DDHD1: variants seen among roughly 807,000 people sequenced by gnomAD.
DDHD1 encodes the protein phospholipase DDHD1.
Under a neutral mutation model 96.4 loss-of-function variants are expected in DDHD1, and 49 were observed. The observed-to-expected ratio is 0.51, with a 90% CI of 0.40 to 0.64. The LOEUF (loss-of-function observed/expected upper bound fraction) is 0.64. DDHD1 is among the 30% of genes least tolerant of loss of function. The pLI, the probability that DDHD1 is intolerant of heterozygous loss-of-function variation, is 0.00. For missense variants in DDHD1, 1,106 were observed against 1,161.2 expected, an observed-to-expected ratio of 0.95 and a Z score of 0.69; for synonymous variants, 442 against 446.5, an observed-to-expected ratio of 0.99 and a Z score of 0.13.
At chr14:53,125,150 G>C (rs1171613092) in intron 1 of DDHD1, among the ~76,000 whole-genome samples, 1 of 152,052 alleles carries the variant, frequency 6.6e-6, no homozygotes, top group Non-Finnish European at 1.5e-5. Flanking sequence ...GAGGTATCAG[G>C]GCAAGGACTC....
At chr14:53,096,185 G>A in intron 2 of DDHD1, 1 of 985,230 alleles carries the variant, frequency 1.0e-6, no homozygotes, top group Non-Finnish European at 1.2e-6. Context: ...TTTGAACAGA[G>A]AAGGGAGGGA....
chr14:53,071,586 A>T (rs1884512109), intron 6 of DDHD1, among the ~76,000 whole-genome samples: 1 of 152,092 alleles, frequency 6.6e-6, no homozygotes, highest in Non-Finnish European at 1.5e-5. Context: ...TAACCAGCTG[A>T]TTCAGTATAT....
rs185287171 is a variant in DDHD1, at chr14:53,067,775, T to C, written c.1504-4570A>G. 1.4e-3 allele frequency among the ~76,000 whole-genome samples: 211 copies of C among 152,270 alleles called. 1 individual carries two copies. Among genetic ancestry groups the C allele is most frequent in the Middle Eastern group, 6.8e-3 (2 of 294 alleles). ...CCCTGCCCAGCCTCTTATTTGAAAA[T>C]AATTTCAAATATATAAAATGTTGCA... On this transcript the variant is annotated intron_variant, in intron 6 of 12. Coordinates refer to ENST00000673822, the MANE Select transcript of DDHD1 (RefSeq NM_001160148.2).
chr14:53,063,118 CT>C lies in DDHD1; in HGVS notation c.1590del (p.Val531SerfsTer3). On this transcript the variant is annotated frameshift_variant, in exon 7 of 13. Transcript: ENST00000673822. LOFTEE classifies it high-confidence loss of function. Reference sequence around the variant, plus strand: ...CCCAAGGAATGTGATACTATTGAGACTTTACCCCCTTTTTCTTCAAAGTCTG... The same window carrying C: ...CCCAAGGAATGTGATACTATTGAGACTTACCCCCTTTTTCTTCAAAGTCTG... The part of the protein sequence containing the change: ...RNPDFEEKGG[K>X]VSIVSHSLGC... The C allele has an allele frequency of 6.2e-7, 1 of 1,614,026 alleles. No individual in the cohort carries two copies. The highest frequency in any genetic ancestry group is 8.5e-7 in the Non-Finnish European group (1 of 1,179,974).
rs150936850 is a variant in DDHD1 at position 53,122,705 on chromosome 14, C to T, written c.839-18849G>A. On this transcript the variant is annotated intron_variant, in intron 1 of 12. Coordinates refer to ENST00000673822, the MANE Select transcript of DDHD1 (RefSeq NM_001160148.2). ...TCCTGAGTAGCTGAGATTACAGGCA[C>T]CTGCCACCATGCCTGGCTAATTTTT... 1.1e-3 allele frequency among the ~76,000 whole-genome samples: 173 copies of T among 151,638 alleles called. 1 individual carries two copies. The highest frequency in any genetic ancestry group is 3.6e-3 in the African/African-American group (150 of 41,322).
In DDHD1 at chr14:53,054,508, G is replaced by A. The variant is rs1276786449; in HGVS notation, c.2367C>T (p.Ala789=). 5 of 1,614,054 alleles carry A rather than the reference G, an allele frequency of 3.1e-6. No individual in the cohort carries two copies. Among genetic ancestry groups the A allele is most frequent in the South Asian group, 1.1e-5 (1 of 91,070 alleles). Residue 789 remains alanine, a synonymous_variant, in exon 11 of 13, where the codon GCC becomes GCT. Coordinates refer to ENST00000673822, the MANE Select transcript of DDHD1 (RefSeq NM_001160148.2). ...TCCCTACGGTGGTAGCAGAAGGTGA[G>A]GCAACTGGCTTCTTCTCATCTTCCA... ...DSMEDEKKPV[A]SPSATTVGTQ... is the part of the protein sequence containing the mutation.
At chr14:53,092,470 T>C (rs1886511667) in intron 3 of DDHD1, 1 of 152,216 alleles carries the variant, frequency 6.6e-6, no homozygotes, top group Non-Finnish European at 1.5e-5. Context: ...AAATTCTTTT[T>C]ACATTTATTT....
chr14:53,093,661 T>C, intron 2 of DDHD1: 1 of 491,630 alleles, frequency 2.0e-6, no homozygotes, highest in East Asian at 4.4e-5. Context: ...CTACAGGGAA[T>C]GGCAACTTTT....
At chr14:53,077,096 C>A (rs1352580306) in intron 4 of DDHD1, among the ~76,000 whole-genome samples, 1 of 152,132 alleles carries the variant, frequency 6.6e-6, no homozygotes, top group Non-Finnish European at 1.5e-5. Context: ...TCATTCACTG[C>A]ATCCCTATGG....
intron 1 of DDHD1, among the ~76,000 whole-genome samples, chr14:53,112,360 T>C (rs1011901054): frequency 6.6e-6 from 1 of 151,176 alleles, no homozygotes; most frequent in Non-Finnish European, 1.5e-5. Context: ...GAGGTTGCAG[T>C]GAGCTGAGAT....
At chr14:53,093,515 C>T (rs1886614290) in intron 2 of DDHD1, 71 bp from the exon 3 acceptor site, 2 of 1,555,138 alleles carry the variant, frequency 1.3e-6, no homozygotes, top group South Asian at 1.2e-5. Flanking sequence ...AATTATAACA[C>T]TCAGATTTTA....
chr14:53,094,648 T>G lies in DDHD1; in HGVS notation c.1013-1204A>C, dbSNP rs182032457. 8.0e-3 allele frequency among the ~76,000 whole-genome samples: 1,212 copies of G among 151,876 alleles called. 23 individuals carry two copies. The highest frequency in any genetic ancestry group is 0.044 in the Admixed American group (662 of 15,202). ...GGAGCCCAGGAGTTTGATAGCAGCC[T>G]GGGCAACAATAATGAGACCCCGTCT... On this transcript the variant is annotated intron_variant, in intron 2 of 12. Coordinates refer to ENST00000673822, the MANE Select transcript of DDHD1 (RefSeq NM_001160148.2).
chr14:53,086,856 G>A (rs1886004218), intron 4 of DDHD1, among the ~76,000 whole-genome samples: 1 of 151,156 alleles, frequency 6.6e-6, no homozygotes, highest in African/African-American at 2.4e-5. Flanking sequence ...ATACAGACTG[G>A]CAAATGGGAT....
chr14:53,102,819 T>C (rs552541582), intron 2 of DDHD1, among the ~76,000 whole-genome samples: 2 of 152,106 alleles, frequency 1.3e-5, no homozygotes, highest in Admixed American at 6.5e-5. Flanking sequence ...AGCTTCATTC[T>C]GTAAATCACC....
intron 11 of DDHD1, among the ~76,000 whole-genome samples, chr14:53,052,327 T>C (rs186607144): frequency 5.9e-5 from 9 of 152,182 alleles, no homozygotes; most frequent in African/African-American, 1.9e-4. Flanking sequence ...ACACTAGTTC[T>C]TCACATAAAG....
rs79624954 is a variant in DDHD1, at chr14:53,055,957, C to T, written c.1993-45G>A. ...TTCAAAGAAACACAGTGTTAAATCA[C>T]AATGCTTGGATTTTAGTAAACTGTT... On this transcript the variant is annotated intron_variant, in intron 9 of 12. Transcript: ENST00000673822. 3,483 of 1,531,404 alleles carry T rather than the reference C, an allele frequency of 2.3e-3. 71 individuals carry two copies. In the African/African-American group the frequency reaches 0.043, roughly 19 times the overall value. 94.9% of individuals were successfully genotyped at this position (1,531,404 alleles called of 1,614,324 possible).
Position 53,058,560 on chromosome 14 carries a change from CTGGGCGG to C in DDHD1, c.1902_1908del (p.Ile634MetfsTer20). 1 of 1,613,696 alleles carries C rather than the reference CTGGGCGG, an allele frequency of 6.2e-7. No homozygotes were observed. The highest frequency in any genetic ancestry group is 8.5e-7 in the Non-Finnish European group (1 of 1,179,862). On this transcript the variant is annotated frameshift_variant, in exon 9 of 13. Transcript: ENST00000673822. LOFTEE classifies it high-confidence loss of function. ...ATATGGTCTTGACTTCCAGTATTTC[CTGGGCGG>C]ATGCCACGCAACGCCAAGAAAACTG...
At position 53,051,927 on chromosome 14, in the gene DDHD1, T is replaced by A. The variant is rs1329576446; in HGVS notation, c.2438A>T (p.Tyr813Phe). ...HSSSGFLDSAYFRLQESFFNL... is the reference protein window; with the variant it reads ...HSSSGFLDSAFFRLQESFFNL... Reference sequence around the variant, plus strand: ...AAAGAACGATTCTTGAAGTCTGAAATCTGTGAAAAAAAAACACAAGATGCT... The same window carrying A: ...AAAGAACGATTCTTGAAGTCTGAAAACTGTGAAAAAAAAACACAAGATGCT... The change falls in exon 12 of 13, where the codon TAT becomes TTT. Residue 813 changes from tyrosine to phenylalanine, a missense_variant and splice_region_variant. Around this residue, in one of 2 missense-constraint regions of DDHD1, gnomAD observed 650 missense variants for 758.8 expected, o/e 0.86. Transcript: ENST00000673822. The A allele has an allele frequency of 5.7e-6, 9 of 1,578,230 alleles. No individual in the cohort carries two copies. Among genetic ancestry groups the A allele is most frequent in the African/African-American group, 2.7e-5 (2 of 74,122 alleles).
intron 1 of DDHD1, among the ~76,000 whole-genome samples, chr14:53,140,936 G>A (rs1566603987): frequency 6.6e-6 from 1 of 152,100 alleles, no homozygotes; most frequent in African/African-American, 2.4e-5. Context: ...ATCAAATAAA[G>A]TAGACTTCAA....
Sources: allele counts gnomAD v4.1 joint callset (sites outside exome capture counted in the v4.1 genomes callset), GRCh38; gene constraint gnomAD v4.1.1; regional missense constraint gnomAD v4.1.1; transcripts MANE v1.5; gene names NCBI Gene and HGNC (gene_info 2026-07-23, HGNC 2026-07-21).